The following PRSS55 variants were observed in gnomAD, a reference collection of about 807,000 sequenced individuals.
PRSS55 encodes serine protease 55.
Under a neutral mutation model 23.6 loss-of-function variants are expected in PRSS55, and 41 were observed. The observed-to-expected ratio is 1.74, with a 90% CI of 1.35 to 2.26. The LOEUF is 2.26. PRSS55 is among the 30% of genes most tolerant of loss of function. PRSS55 has a pLI of 0.00. For synonymous variants in PRSS55, 262 were observed against 175.5 expected (o/e 1.49, Z -3.90); for missense variants, 669 against 439.1 (o/e 1.52, Z -4.68).
At position 10,525,674 on chromosome 8, in the gene PRSS55, C is replaced by T. The variant is rs956805209; in HGVS notation, c.89C>T (p.Ala30Val). The change falls in exon 1 of 5, where the codon GCT becomes GTT. Residue 30 changes from alanine (A) to valine (V), a missense_variant. Ala to Val is a moderately conservative substitution (Grantham distance 64, BLOSUM62 0). Transcript: ENST00000328655. Reference sequence around the variant, plus strand: ...ACTCCTCTCCCAGAGGCTGGAGTGGCTATCCTAGGCAGGGCTAGGGGAGCC... The same window carrying T: ...ACTCCTCTCCCAGAGGCTGGAGTGGTTATCCTAGGCAGGGCTAGGGGAGCC... ...PRTPLPEAGV[A>V]ILGRARGAHR... 6.2e-7 allele frequency: 1 copy of T among 1,613,988 alleles called. No homozygotes were observed. Among genetic ancestry groups the T allele is most frequent in the Admixed American group, 1.7e-5 (1 of 60,006 alleles).
downstream of PRSS55, among the ~76,000 whole-genome samples, chr8:10,543,439 C>G (rs140567086): frequency 9.4e-6 from 1 of 106,208 alleles, no homozygotes; most frequent in African/African-American, 4.0e-5. Context: ...TTCCTTCCTT[C>G]CTTCCATCCT....
At chr8:10,528,994 T>G (rs968757897) in intron 1 of PRSS55, among the ~76,000 whole-genome samples, 7 of 152,126 alleles carry the variant, frequency 4.6e-5, no homozygotes, top group African/African-American at 1.7e-4. Context: ...CCTCAGTGAT[T>G]CCACTGGCCC....
At chr8:10,534,341 C>T (rs1318020624) in intron 4 of PRSS55, among the ~76,000 whole-genome samples, 2 of 152,162 alleles carry the variant, frequency 1.3e-5, no homozygotes, top group African/African-American at 4.8e-5. Flanking sequence ...GAACGCACTA[C>T]ACACATCTTG....
At chr8:10,530,311 C>G (rs1365281829) in intron 2 of PRSS55, among the ~76,000 whole-genome samples, 1 of 152,046 alleles carries the variant, frequency 6.6e-6, no homozygotes, top group African/African-American at 2.4e-5. Context: ...CCCATCTATA[C>G]TAAAAATACA....
intron 3 of PRSS55, 94 bp downstream of exon 3, chr8:10,531,639 T>G: frequency 1.3e-6 from 2 of 1,523,426 alleles, no homozygotes; most frequent in Non-Finnish European, 1.8e-6. Context: ...AAGACTTGCA[T>G]TGGAGCAGAT....
intron 4 of PRSS55, chr8:10,553,866 A>G: frequency 2.1e-6 from 2 of 931,910 alleles, no homozygotes; most frequent in Admixed American, 2.6e-5. Flanking sequence ...CACAATGTAT[A>G]CATAAATCAA....
At position 10,529,593 on chromosome 8, in the gene PRSS55, T is replaced by G. The variant is rs995056848; in HGVS notation, c.241T>G (p.Trp81Gly). 5.6e-6 allele frequency: 9 copies of G among 1,614,182 alleles called. No individual in the cohort carries two copies. The highest frequency in any genetic ancestry group is 5.3e-5 in the African/African-American group (4 of 75,036). The change falls in exon 2 of 5, where the codon TGG becomes GGG. Residue 81 changes from tryptophan to glycine, a missense_variant. Physicochemically the swap from Trp to Gly is radical, Grantham distance 184 (BLOSUM62 -2). Transcript: ENST00000328655. ...GMEAEVGEFP[W>G]QVSIQARSEP... Reference sequence around the variant, plus strand: ...GGAGGCGGAGGTGGGTGAGTTTCCGTGGCAGGTGAGTATTCAGGCAAGAAG... The same window carrying G: ...GGAGGCGGAGGTGGGTGAGTTTCCGGGGCAGGTGAGTATTCAGGCAAGAAG...
chr8:10,543,494 T>C (rs1475742137), downstream of PRSS55, among the ~76,000 whole-genome samples: 43 of 124,938 alleles, frequency 3.4e-4, no homozygotes, highest in Non-Finnish European at 6.4e-4. Flanking sequence ...TTTTTTTTTT[T>C]CCAAGGTCTT....
Position 10,525,698 on chromosome 8 carries a change from C to G in PRSS55, c.113C>G (p.Ala38Gly), listed in dbSNP as rs1235584149. The G allele has an allele frequency of 4.3e-6, 7 of 1,613,522 alleles. No homozygotes were observed. The highest frequency in any genetic ancestry group is 8.5e-7 in the Non-Finnish European group (1 of 1,179,816). ...GCTATCCTAGGCAGGGCTAGGGGAG[C>G]CCACCGCCCTCAGCCCCCTCATCCC... ...GVAILGRARG[A>G]HRPQPPHPPS... Residue 38 changes from alanine to glycine, a missense_variant, in exon 1 of 5, where the codon GCC becomes GGC. Ala to Gly is a moderately conservative substitution (Grantham distance 60). Transcript: ENST00000328655.
chr8:10,525,824 G>C, intron 1 of PRSS55, 85 bp downstream of exon 1: 2 of 1,421,072 alleles, frequency 1.4e-6, no homozygotes, highest in Non-Finnish European at 1.9e-6. Context: ...AGAGCACAAG[G>C]CCAGAGCTCC....
chr8:10,543,449 T>TTCCA (rs1554584950), downstream of PRSS55, among the ~76,000 whole-genome samples: 4 of 24,488 alleles, frequency 1.6e-4, no homozygotes, highest in Admixed American at 5.3e-4. Context: ...CCTTCCATCC[T>TTCCA]TCCTTCCTTC....
At chr8:10,540,648 G>A (rs1404024588), downstream of PRSS55, 1 of 152,186 alleles carries the variant, frequency 6.6e-6, no homozygotes, top group Non-Finnish European at 1.5e-5. Context: ...CCAGGAGGTG[G>A]AGGTTGCAAT....
At chr8:10,548,629 C>T (rs1029308503) in intron 4 of PRSS55, among the ~76,000 whole-genome samples, 1 of 152,094 alleles carries the variant, frequency 6.6e-6, no homozygotes, top group African/African-American at 2.4e-5. Context: ...CGGCCATTCC[C>T]CCTGCCTGCA....
exon 5 of PRSS55, chr8:10,554,094 G>A: frequency 1.9e-6 from 2 of 1,071,482 alleles, no homozygotes; most frequent in East Asian, 2.6e-5. Context: ...CTTGGGCATA[G>A]CCTTGAGTTG....
At position 10,529,487 on chromosome 8, in the gene PRSS55, A is replaced by G. The variant is rs1329999636; in HGVS notation, c.155-20A>G. On this transcript the variant is annotated intron_variant, in intron 1 of 4. Coordinates refer to ENST00000328655, the MANE Select transcript of PRSS55 (RefSeq NM_198464.4). ...CTAAGTGTTTCCCCTTTTCCTTTCC[A>G]CTCTCTTTCTTTCCACCAGAATGTG... The G allele has an allele frequency of 3.7e-6, 6 of 1,611,904 alleles. No individual in the cohort carries two copies. Among genetic ancestry groups the G allele is most frequent in the Non-Finnish European group, 5.1e-6 (6 of 1,178,642 alleles).
At chr8:10,553,880 A>T in intron 4 of PRSS55, 1 of 1,100,452 alleles carries the variant, frequency 9.1e-7, no homozygotes, top group Non-Finnish European at 1.3e-6. Context: ...AAATCAAAGC[A>T]CCACATTGTA....
At chr8:10,537,923 G>C (rs964855122) in intron 4 of PRSS55, among the ~76,000 whole-genome samples, 1 of 152,126 alleles carries the variant, frequency 6.6e-6, no homozygotes, top group African/African-American at 2.4e-5. Context: ...TGGTTCAGAA[G>C]CTCAACATAA....
intron 4 of PRSS55, among the ~76,000 whole-genome samples, chr8:10,547,752 G>A (rs976891447): frequency 3.3e-5 from 3 of 92,272 alleles, no homozygotes; most frequent in Admixed American, 2.8e-4. Context: ...CCCCGCCCCA[G>A]TCTTGGTGGC....
Position 10,529,560 on chromosome 8 carries a change from G to A in PRSS55, c.208G>A (p.Gly70Arg). 1 of 1,614,122 alleles carries A rather than the reference G, an allele frequency of 6.2e-7. No individual in the cohort carries two copies. Among genetic ancestry groups the A allele is most frequent in the Non-Finnish European group, 8.5e-7 (1 of 1,179,956 alleles). The stretch of plus-strand genomic sequence containing the variant: ...AAGAACTCGGTATTCCAGAATCACA[G>A]GGGGGATGGAGGCGGAGGTGGGTGA... ...EGRTRYSRIT[G>R]GMEAEVGEFP... Residue 70 changes from glycine to arginine, a missense_variant, in exon 2 of 5, where the codon GGG becomes AGG. Physicochemically the swap from Gly to Arg is moderately radical, Grantham distance 125 (BLOSUM62 -2). Transcript: ENST00000328655.
Sources: gnomAD v4.1 joint callset for allele counts (sites outside exome capture counted in the v4.1 genomes callset) on GRCh38, gnomAD v4.1.1 for gene constraint, MANE v1.5 for transcripts, NCBI Gene and HGNC (gene_info 2026-07-23, HGNC 2026-07-21) for gene names.